MCPH1: variants seen among roughly 807,000 people sequenced by gnomAD.
MCPH1 encodes the protein microcephalin.
In MCPH1, 104 loss-of-function variants were observed where a neutral mutation model predicts 84.5. The ratio of observed to expected loss-of-function variants is 1.23; its 90% CI spans 1.05 to 1.45. The LOEUF is 1.45. MCPH1 is among the 40% of genes most tolerant of loss of function. MCPH1 has a pLI of 0.00. For synonymous variants in MCPH1, 514 were observed against 366.8 expected (o/e 1.40, Z -4.58); for missense variants, 1,498 against 1,005.7 (o/e 1.49, Z -6.62).
intron 9 of MCPH1, among the ~76,000 whole-genome samples, chr8:6,463,303 A>G (rs1292820568): frequency 1.3e-5 from 2 of 152,184 alleles, no homozygotes; most frequent in Non-Finnish European, 2.9e-5. Flanking sequence ...TGCTTTCCTC[A>G]TCTCCAGTAT....
intron 12 of MCPH1, among the ~76,000 whole-genome samples, chr8:6,592,401 C>G (rs1376486380): frequency 1.3e-5 from 2 of 151,908 alleles, no homozygotes; most frequent in African/African-American, 4.8e-5. Context: ...CCCACCTTGG[C>G]CAATTTTAAT....
chr8:6,447,439 T>A (rs1804563501), intron 8 of MCPH1: 2 of 985,032 alleles, frequency 2.0e-6, no homozygotes, highest in Non-Finnish European at 2.4e-6. Context: ...GTTGCTGTTG[T>A]CAGTATCTAA....
At chr8:6,517,693 C>G (rs1816528849) in intron 12 of MCPH1, among the ~76,000 whole-genome samples, 1 of 152,166 alleles carries the variant, frequency 6.6e-6, no homozygotes, top group African/African-American at 2.4e-5. Flanking sequence ...TGTGTTGTCA[C>G]AACCCCCAAG....
At chr8:6,575,120 C>A (rs989735582) in intron 12 of MCPH1, among the ~76,000 whole-genome samples, 2 of 152,110 alleles carry the variant, frequency 1.3e-5, no homozygotes, top group African/African-American at 4.8e-5. Flanking sequence ...TATGAGACTT[C>A]CGGTTAGAGT....
At chr8:6,504,724 A>G (rs1474353115) in intron 12 of MCPH1, among the ~76,000 whole-genome samples, 1 of 152,198 alleles carries the variant, frequency 6.6e-6, no homozygotes, top group Non-Finnish European at 1.5e-5. Context: ...TCTTATATCC[A>G]TGAAATTGGA....
intron 13 of MCPH1, among the ~76,000 whole-genome samples, chr8:6,633,549 T>A (rs988000461): frequency 1.3e-5 from 2 of 152,140 alleles, no homozygotes; most frequent in African/African-American, 4.8e-5. Flanking sequence ...ACACCTGACC[T>A]CATGTGACAG....
At chr8:6,463,960 C>T (rs1806562244) in intron 9 of MCPH1, among the ~76,000 whole-genome samples, 1 of 152,202 alleles carries the variant, frequency 6.6e-6, no homozygotes. Context: ...AGCAGTGACT[C>T]ATCCAAAGGA....
intron 12 of MCPH1, among the ~76,000 whole-genome samples, chr8:6,574,694 C>G (rs1385510367): frequency 1.3e-5 from 2 of 152,092 alleles, no homozygotes; most frequent in Non-Finnish European, 2.9e-5. Context: ...TTAGACACAC[C>G]TGAAGCTGAA....
intron 2 of MCPH1, among the ~76,000 whole-genome samples, chr8:6,412,717 A>G (rs1028721673): frequency 1.3e-5 from 2 of 152,188 alleles, no homozygotes; most frequent in Non-Finnish European, 2.9e-5. Context: ...ATGGTCTCAA[A>G]TGCTAGACTC....
chr8:6,635,092 C>T (rs1052828725), intron 13 of MCPH1: 1 of 152,122 alleles, frequency 6.6e-6, no homozygotes, highest in Non-Finnish European at 1.5e-5. Context: ...TTCAGCTTGT[C>T]AAGTGAGAAG....
At chr8:6,639,929 A>G (rs529643736) in intron 13 of MCPH1, among the ~76,000 whole-genome samples, 100 of 152,136 alleles carry the variant, frequency 6.6e-4, no homozygotes, top group African/African-American at 2.4e-3. Context: ...TTTAGAAACA[A>G]GATGTCACTA....
In MCPH1 at chr8:6,424,801, C is replaced by G. The variant is rs560215497; in HGVS notation, c.234-6698C>G. ...AGAAGTTCGCTCTCTGCTGGCAGAG[C>G]ACTGTTGTGCAGACTTCTCTGAGTC... On this transcript the variant is annotated intron_variant, in intron 3 of 13. Coordinates refer to ENST00000344683, the MANE Select transcript of MCPH1 (RefSeq NM_024596.5). 2.0e-5 allele frequency among the ~76,000 whole-genome samples: 3 copies of G among 152,330 alleles called. No homozygotes were observed. In the East Asian group the frequency reaches 5.8e-4, roughly 29 times the overall value.
At chr8:6,623,013 CTTTTTTT>C (rs1164226735) in intron 13 of MCPH1, among the ~76,000 whole-genome samples, 2 of 109,894 alleles carry the variant, frequency 1.8e-5, no homozygotes, top group African/African-American at 3.6e-5. Context: ...GCTTTACTTT[CTTTTTTT>C]TTTTTTTTTT....
At chr8:6,508,770 A>G (rs1454597723) in intron 12 of MCPH1, 2 of 1,024,940 alleles carry the variant, frequency 2.0e-6, no homozygotes, top group Admixed American at 2.2e-5. Flanking sequence ...AACTTAGTCT[A>G]AAAAAAGTGA....
At chr8:6,532,790 G>A (rs980574875) in intron 12 of MCPH1, among the ~76,000 whole-genome samples, 1 of 152,270 alleles carries the variant, frequency 6.6e-6, no homozygotes, top group East Asian at 1.9e-4. Context: ...AGGGTGGTGA[G>A]GGCAGCCACA....
intron 12 of MCPH1, among the ~76,000 whole-genome samples, chr8:6,544,494 G>GT (rs1192551883): frequency 1.3e-5 from 2 of 152,078 alleles, no homozygotes; most frequent in East Asian, 1.9e-4. Flanking sequence ...ACGTCAAACT[G>GT]TTTTTTACAA....
intron 13 of MCPH1, among the ~76,000 whole-genome samples, chr8:6,623,675 G>A (rs1413250899): frequency 1.9e-5 from 2 of 107,136 alleles, no homozygotes; most frequent in African/African-American, 7.7e-5. Context: ...TCTTTTGCCT[G>A]GAAACCAACT....
chr8:6,584,073 A>C (rs1205960574), intron 12 of MCPH1, among the ~76,000 whole-genome samples: 1 of 152,114 alleles, frequency 6.6e-6, no homozygotes. Flanking sequence ...GATCACCTTC[A>C]TCATCTTCCA....
intron 9 of MCPH1, among the ~76,000 whole-genome samples, chr8:6,466,298 G>C (rs1449633032): frequency 6.6e-6 from 1 of 150,818 alleles, no homozygotes; most frequent in Admixed American, 6.6e-5. Flanking sequence ...CATCACGCCT[G>C]GCTAATTTTT....
Sources: gnomAD v4.1 joint callset for allele counts (sites outside exome capture counted in the v4.1 genomes callset) on GRCh38, gnomAD v4.1.1 for gene constraint, MANE v1.5 for transcripts, NCBI Gene and HGNC (gene_info 2026-07-23, HGNC 2026-07-21) for gene names.